UBN2: variants seen among roughly 807,000 people sequenced by gnomAD.
The protein encoded by UBN2 is ubinuclein-2.
Under a neutral mutation model 120.2 loss-of-function variants are expected in UBN2, and 35 were observed. The ratio of observed to expected loss-of-function variants is 0.29; its 90% CI spans 0.22 to 0.39. The LOEUF (loss-of-function observed/expected upper bound fraction) is 0.39, where lower values mean the gene tolerates loss of function less well. Ranked by LOEUF, UBN2 falls within the 10% of genes least tolerant of loss-of-function variation. The pLI, the probability that UBN2 is intolerant of heterozygous loss-of-function variation, is 1.00. For missense variants in UBN2, 1,693 were observed against 1,663.2 expected (o/e 1.02, Z -0.31); for synonymous variants, 661 against 648.7 (o/e 1.02, Z -0.29).
chr7:139,257,359 T>C (rs1298813779), intron 3 of UBN2, among the ~76,000 whole-genome samples: 1 of 152,200 alleles, frequency 6.6e-6, no homozygotes, highest in African/African-American at 2.4e-5. Flanking sequence ...TATTCAATTC[T>C]TTTAAAATAT....
rs773682311 is a variant in UBN2 at position 139,293,279 on chromosome 7, C to A, written c.3717C>A (p.Leu1239=). 2 of 1,614,102 alleles carry A rather than the reference C, an allele frequency of 1.2e-6. No individual in the cohort carries two copies. The highest frequency in any genetic ancestry group is 1.7e-6 in the Non-Finnish European group (2 of 1,180,032). The change falls in exon 16 of 18, where the codon CTC becomes CTA. Residue 1239 remains leucine (L), a synonymous_variant. Coordinates refer to ENST00000473989, the MANE Select transcript of UBN2 (RefSeq NM_173569.4). ...SLLANASPLT[L]MTSPLSVTNQ... The stretch of plus-strand genomic sequence containing the variant: ...TGGCTAATGCCTCACCTCTGACTCT[C>A]ATGACATCACCTTTGTCTGTAACAA...
chr7:139,318,001 A>G, the UBN2 span, among the ~76,000 whole-genome samples: 1 of 152,142 alleles, frequency 6.6e-6, no homozygotes, highest in Non-Finnish European at 1.5e-5. Context: ...TGAGTTTGTC[A>G]CCAACTTCAT....
At chr7:139,273,199 T>C (rs2131011331) in intron 9 of UBN2, 98 bp from the exon 10 acceptor site, 1 of 674,668 alleles carries the variant, frequency 1.5e-6, no homozygotes, top group Non-Finnish European at 2.4e-6. Flanking sequence ...CCCTCTCTTT[T>C]AACATTCCAT....
At chr7:139,240,319 G>T (rs889978338) in intron 2 of UBN2, among the ~76,000 whole-genome samples, 9 of 150,702 alleles carry the variant, frequency 6.0e-5, no homozygotes, top group Non-Finnish European at 1.0e-4. Flanking sequence ...TAGAGACAGG[G>T]TCTTGTTGTG....
At position 139,258,511 on chromosome 7, in the gene UBN2, T is replaced by C. The variant is rs1160242632; in HGVS notation, c.687T>C (p.Ser229=). 1.2e-6 allele frequency: 2 copies of C among 1,600,242 alleles called. No homozygotes were observed. Among genetic ancestry groups the C allele is most frequent in the Non-Finnish European group, 1.7e-6 (2 of 1,172,872 alleles). ...SEAYDELVPA[S]LTTKYGGFYI... ...AGTATGATGAATTAGTTCCCGCTTC[T>C]CTAACAACAAAATATGGAGGCTTTT... The change falls in exon 4 of 18, where the codon TCT becomes TCC. Residue 229 remains serine, a synonymous_variant. Coordinates refer to ENST00000473989, the MANE Select transcript of UBN2 (RefSeq NM_173569.4).
intron 8 of UBN2, among the ~76,000 whole-genome samples, chr7:139,270,526 C>G (rs1797242336): frequency 6.6e-6 from 1 of 152,054 alleles, no homozygotes; most frequent in African/African-American, 2.4e-5. Context: ...AGCTTGGCCT[C>G]CCAAAGTGCT....
At chr7:139,287,118 T>C (rs965927189) in intron 15 of UBN2, among the ~76,000 whole-genome samples, 2 of 152,180 alleles carry the variant, frequency 1.3e-5, no homozygotes, top group Non-Finnish European at 2.9e-5. Context: ...AAAAAAGGTA[T>C]ATGGAAGATT....
At chr7:139,309,164 G>A (rs905322062), downstream of UBN2, among the ~76,000 whole-genome samples, 2 of 152,230 alleles carry the variant, frequency 1.3e-5, no homozygotes, top group African/African-American at 4.8e-5. Flanking sequence ...CGTGTGATCT[G>A]CATAGAAAAT....
At chr7:139,241,111 CCTATACT>C (rs1014208687) in intron 2 of UBN2, among the ~76,000 whole-genome samples, 5 of 152,118 alleles carry the variant, frequency 3.3e-5, no homozygotes, top group Non-Finnish European at 7.4e-5. Flanking sequence ...TATGAGGCCA[CCTATACT>C]CTATACTCAG....
At chr7:139,297,109 G>A (rs1177302352) in intron 17 of UBN2, among the ~76,000 whole-genome samples, 2 of 151,210 alleles carry the variant, frequency 1.3e-5, no homozygotes, top group African/African-American at 4.9e-5. Context: ...CAGGAGAATT[G>A]CTTGAACCTG....
Position 139,283,420 on chromosome 7 carries a change from C to G in UBN2, c.2515C>G (p.Pro839Ala). ...AAGTCTTATTGCTGGTCACACAGGG[C>G]CAGTACCAAAGAAACCCCAGGATTT... is the stretch of plus-strand genomic sequence containing the variant. ...SSSLIAGHTGPVPKKPQDLAH... is the reference protein window; with the variant it reads ...SSSLIAGHTGAVPKKPQDLAH... Residue 839 changes from proline (P) to alanine (A), a missense_variant, in exon 15 of 18, where the codon CCA becomes GCA. By Grantham distance (27) the Pro-to-Ala change is conservative. Transcript: ENST00000473989. 1 of 1,614,060 alleles carries G rather than the reference C, an allele frequency of 6.2e-7. No individual in the cohort carries two copies. Among genetic ancestry groups the G allele is most frequent in the Non-Finnish European group, 8.5e-7 (1 of 1,180,004 alleles).
Position 139,261,327 on chromosome 7 carries a change from GA to G in UBN2, c.982del (p.Ile328LeufsTer11). On this transcript the variant is annotated frameshift_variant, in exon 6 of 18. Transcript: ENST00000473989. LOFTEE classifies it high-confidence loss of function. ...AAGATTCTCTTTCTCTAGCTGCCAT[GA>G]TTAGAAAATTCCAGAAAGAGAAGGA... ...YKDSLSLAAM[I>X]RKFQKEKDAL... 6.2e-7 allele frequency: 1 copy of G among 1,614,142 alleles called. No individual in the cohort carries two copies. Among genetic ancestry groups the G allele is most frequent in the South Asian group, 1.1e-5 (1 of 91,072 alleles).
chr7:139,274,886 C>CT (rs1176890093), intron 11 of UBN2, among the ~76,000 whole-genome samples: 1 of 152,020 alleles, frequency 6.6e-6, no homozygotes, highest in Non-Finnish European at 1.5e-5. Context: ...CCCCAGGAAT[C>CT]TGAGACCAGT....
the UBN2 span, among the ~76,000 whole-genome samples, chr7:139,320,503 T>C: frequency 6.6e-6 from 1 of 152,004 alleles, no homozygotes; most frequent in African/African-American, 2.4e-5. Context: ...AGGTAGCCTA[T>C]ATTGACAGAG....
intron 15 of UBN2, among the ~76,000 whole-genome samples, chr7:139,291,961 T>A (rs1243265126): frequency 6.6e-6 from 1 of 152,162 alleles, no homozygotes; most frequent in Non-Finnish European, 1.5e-5. Flanking sequence ...GCTATAGGAA[T>A]GTATTTGCCA....
chr7:139,238,875 A>C (rs1423361687), intron 2 of UBN2, among the ~76,000 whole-genome samples: 1 of 152,218 alleles, frequency 6.6e-6, no homozygotes, highest in Admixed American at 6.5e-5. Flanking sequence ...ATTACAGTGT[A>C]ATCTTTTGAG....
rs1054909918 is a variant in UBN2 at position 139,293,896 on chromosome 7, A to G, written c.3909A>G (p.Leu1303=). The G allele has an allele frequency of 1.2e-6, 2 of 1,614,016 alleles. No individual in the cohort carries two copies. The highest frequency in any genetic ancestry group is 3.3e-5 in the Admixed American group (2 of 60,012). Residue 1303 remains leucine, a synonymous_variant, in exon 17 of 18, where the codon CTA becomes CTG. Coordinates refer to ENST00000473989, the MANE Select transcript of UBN2 (RefSeq NM_173569.4). ...AFHHSLTQNL[L]KGLQPGGAQH... The stretch of plus-strand genomic sequence containing the variant: ...AGTCTGTTTTCCTCTCAGATTTACT[A>G]AAGGGTTTACAGCCAGGAGGAGCTC...
intron 11 of UBN2, among the ~76,000 whole-genome samples, chr7:139,275,277 C>CA (rs758714682): frequency 0.041 from 1,838 of 44,492 alleles, 68 homozygotes; most frequent in African/African-American, 0.099. Flanking sequence ...AACTCTGTCT[C>CA]AAAAAAAAAA....
At position 139,307,875 on chromosome 7, in the gene UBN2, TA is replaced by T. The variant is rs1798389744; in HGVS notation, c.*10042del. Reference sequence around the variant, plus strand: ...CTTCCTAAGAAAAAAGAAGGGCAGGTAAATTTTTTTAACCAAAAAAAAATCA... The same window carrying T: ...CTTCCTAAGAAAAAAGAAGGGCAGGTAATTTTTTTAACCAAAAAAAAATCA... On this transcript the variant is annotated 3_prime_UTR_variant, in exon 18 of 18. Coordinates refer to ENST00000473989, the MANE Select transcript of UBN2 (RefSeq NM_173569.4). 6.6e-6 allele frequency: 1 copy of T among 152,116 alleles called. No homozygotes were observed. The highest frequency in any genetic ancestry group is 1.5e-5 in the Non-Finnish European group (1 of 68,008). 9.4% of individuals were successfully genotyped at this position (152,116 alleles called of 1,614,324 possible).
Sources: gnomAD v4.1 joint callset for allele counts (sites outside exome capture counted in the v4.1 genomes callset) on GRCh38, gnomAD v4.1.1 for gene constraint, MANE v1.5 for transcripts, NCBI Gene and HGNC (gene_info 2026-07-23, HGNC 2026-07-21) for gene names.